The following SSH2 variants were observed in gnomAD, a reference collection of about 807,000 sequenced individuals.
SSH2 encodes slingshot protein phosphatase 2, also known as protein phosphatase Slingshot homolog 2.
Under a neutral mutation model 135.2 loss-of-function variants are expected in SSH2, and 37 were observed. The ratio of observed to expected loss-of-function variants is 0.27; its 90% confidence interval spans 0.21 to 0.36. The LOEUF (loss-of-function observed/expected upper bound fraction) is 0.36, where lower values mean the gene tolerates loss of function less well. Among genes scored for constraint, SSH2 ranks in the 10% least tolerant of loss-of-function variants. The pLI is 1.00. For missense variants in SSH2, 1,408 were observed against 1,765.3 expected (o/e 0.80, Z 3.63); for synonymous variants, 628 against 646.2 (o/e 0.97, Z 0.43).
intron 3 of SSH2, among the ~76,000 whole-genome samples, chr17:29,751,105 A>G (rs907688274): frequency 6.6e-5 from 10 of 151,252 alleles, no homozygotes; most frequent in Admixed American, 4.0e-4. Context: ...TACAGTTAAT[A>G]TTTTCTTCAA....
At chr17:29,813,340 G>A (rs1440112021) in intron 2 of SSH2, among the ~76,000 whole-genome samples, 2 of 150,732 alleles carry the variant, frequency 1.3e-5, no homozygotes, top group South Asian at 2.1e-4. Flanking sequence ...TTGAGGTTGC[G>A]CACCACTGCA....
chr17:29,635,803 A>C (rs1232429849), intron 15 of SSH2, among the ~76,000 whole-genome samples, 165 bp downstream of exon 15: 2 of 152,208 alleles, frequency 1.3e-5, no homozygotes, highest in African/African-American at 4.8e-5. Context: ...TGACACCAGA[A>C]AGGTAAATTC....
At chr17:29,780,844 G>A (rs979891507) in intron 3 of SSH2, among the ~76,000 whole-genome samples, 3 of 151,286 alleles carry the variant, frequency 2.0e-5, no homozygotes, top group Non-Finnish European at 2.9e-5. Flanking sequence ...GAGGAGTCTC[G>A]CTCTGTCGCC....
At chr17:29,861,627 G>A (rs1434620604) in intron 1 of SSH2, among the ~76,000 whole-genome samples, 4 of 151,636 alleles carry the variant, frequency 2.6e-5, no homozygotes, top group Non-Finnish European at 1.5e-5. Flanking sequence ...GCAGTGGTGC[G>A]ATCTCGGCTC....
chr17:29,862,675 G>A (rs2065784820), intron 1 of SSH2, among the ~76,000 whole-genome samples: 1 of 152,184 alleles, frequency 6.6e-6, no homozygotes, highest in African/African-American at 2.4e-5. Flanking sequence ...GGCTAAGAGA[G>A]TCAAGATACT....
At chr17:29,899,991 A>G (rs1309717015) in intron 1 of SSH2, among the ~76,000 whole-genome samples, 1 of 152,204 alleles carries the variant, frequency 6.6e-6, no homozygotes, top group Non-Finnish European at 1.5e-5. Context: ...ATCTACAACT[A>G]TCTGATCTTT....
chr17:29,760,906 A>T (rs1412646410), intron 3 of SSH2, among the ~76,000 whole-genome samples: 1 of 152,060 alleles, frequency 6.6e-6, no homozygotes. Context: ...CTCAAAGTTA[A>T]ACGGAAATTC....
At chr17:29,655,738 G>T in intron 11 of SSH2, 131 bp from the exon 12 acceptor site, 1 of 728,548 alleles carries the variant, frequency 1.4e-6, no homozygotes, top group Non-Finnish European at 2.5e-6. Context: ...AAGTTGCCAG[G>T]CACTTCATAT....
At position 29,631,420 on chromosome 17, in the gene SSH2, C is replaced by T; in HGVS notation, c.3774G>A (p.Val1258=). 1 of 1,614,180 alleles carries T rather than the reference C, an allele frequency of 6.2e-7. No individual in the cohort carries two copies. Among genetic ancestry groups the T allele is most frequent in the Non-Finnish European group, 8.5e-7 (1 of 1,180,030 alleles). Residue 1258 remains valine (V), a synonymous_variant, in exon 16 of 16, where the codon GTG becomes GTA. Coordinates refer to ENST00000540801, the MANE Select transcript of SSH2 (RefSeq NM_001282129.2). ...ACTCGATTTCTTTAGCACGCTCCTT[C>T]ACCACACCGGGGCTGTGGCTGAGAC... The part of the protein sequence containing the change: ...IKSLSHSPGV[V]KERAKEIESR...
intron 3 of SSH2, among the ~76,000 whole-genome samples, chr17:29,735,037 G>T (rs1598901527): frequency 6.6e-6 from 1 of 152,274 alleles, no homozygotes; most frequent in Admixed American, 6.5e-5. Context: ...TGGGGGAGAT[G>T]TTGGGGTAAG....
chr17:29,695,595 T>C (rs777180466), intron 4 of SSH2, 72 bp from the exon 5 acceptor site: 21 of 1,375,978 alleles, frequency 1.5e-5, no homozygotes, highest in South Asian at 2.5e-5. Context: ...CCTTCTACTT[T>C]AGTGACTTTT....
chr17:29,929,844 C>T (rs546088909), intron 1 of SSH2, 94 bp downstream of exon 1: 3 of 1,224,036 alleles, frequency 2.5e-6, no homozygotes, highest in Non-Finnish European at 3.5e-6. Context: ...GGAAGCGGCG[C>T]GGCGCGTGCG....
chr17:29,777,492 A>G (rs1840427158), intron 3 of SSH2: 1 of 152,256 alleles, frequency 6.6e-6, no homozygotes, highest in African/African-American at 2.4e-5. Context: ...TGGTGCACTG[A>G]AATAATGAAA....
chr17:29,879,474 T>G (rs2066097973), intron 1 of SSH2, among the ~76,000 whole-genome samples: 1 of 151,678 alleles, frequency 6.6e-6, no homozygotes, highest in Non-Finnish European at 1.5e-5. Flanking sequence ...ATCCCCTGCC[T>G]CCACACATGC....
intron 6 of SSH2, 23 bp downstream of exon 6, chr17:29,684,540 A>G (rs767550082): frequency 6.3e-7 from 1 of 1,584,128 alleles, no homozygotes; most frequent in South Asian, 1.2e-5. Context: ...CAGTTTTCAC[A>G]TTTTGAAATG....
chr17:29,638,509 TAC>T (rs71138839), intron 14 of SSH2, among the ~76,000 whole-genome samples: 15,986 of 128,590 alleles, frequency 0.12, 994 homozygotes, highest in East Asian at 0.33. Context: ...TTCTATATTT[TAC>T]ACACACACAC....
chr17:29,658,577 T>C (rs1470834055), intron 11 of SSH2, among the ~76,000 whole-genome samples: 1 of 151,900 alleles, frequency 6.6e-6, no homozygotes, highest in Admixed American at 6.6e-5. Context: ...TATTAAAAAG[T>C]AAACTTAGAG....
rs778131022 is a variant in SSH2, at chr17:29,631,592, A to G, written c.3602T>C (p.Val1201Ala). ...ACTTAGCTGGGAGTCCTTATATGGCACCTCACTGCCACTGGAGAGAGGGCT... is the reference window on the plus strand; with the variant it reads ...ACTTAGCTGGGAGTCCTTATATGGCGCCTCACTGCCACTGGAGAGAGGGCT... ...QESPLSSGSE[V>A]PYKDSQLSSA... Residue 1201 changes from valine to alanine, a missense_variant, in exon 16 of 16, where the codon GTG (valine) becomes GCG (alanine). Physicochemically the swap from Val to Ala is moderately conservative, Grantham distance 64. Around this residue, in one of 3 missense-constraint regions of SSH2, gnomAD observed 1,080 missense variants for 1,144.5 expected, o/e 0.94. Transcript: ENST00000540801. 1 of 1,614,056 alleles carries G rather than the reference A, an allele frequency of 6.2e-7. No homozygotes were observed. The highest frequency in any genetic ancestry group is 1.7e-5 in the Admixed American group (1 of 60,008).
chr17:29,756,557 C>T (rs2041134111), intron 3 of SSH2, among the ~76,000 whole-genome samples: 1 of 148,330 alleles, frequency 6.7e-6, no homozygotes, highest in South Asian at 2.2e-4. Context: ...GTCTCAAACT[C>T]CTGTCCTCCC....
Sources: allele counts gnomAD v4.1 joint callset (sites outside exome capture counted in the v4.1 genomes callset), GRCh38; gene constraint gnomAD v4.1.1; regional missense constraint gnomAD v4.1.1; transcripts MANE v1.5; gene names NCBI Gene and HGNC (gene_info 2026-07-23, HGNC 2026-07-21).